CNTNAP2: variants seen among roughly 807,000 people sequenced by gnomAD.
The protein encoded by CNTNAP2 is contactin-associated protein-like 2.
In CNTNAP2, 98 loss-of-function variants were observed where a neutral mutation model predicts 155.2. That is an observed-to-expected ratio of 0.63 (90% CI 0.54 to 0.75). CNTNAP2 has a LOEUF of 0.75. Ranked by LOEUF, CNTNAP2 falls within the 30% of genes least tolerant of loss-of-function variation. The pLI is 0.00. For synonymous variants in CNTNAP2, 651 were observed against 631.2 expected (o/e 1.03, Z -0.47); for missense variants, 1,727 against 1,688.1 (o/e 1.02, Z -0.40).
At chr7:147,314,081 T>A (rs1563156637) in intron 9 of CNTNAP2, among the ~76,000 whole-genome samples, 1 of 152,188 alleles carries the variant, frequency 6.6e-6, no homozygotes, top group Non-Finnish European at 1.5e-5. Context: ...TATTGGTGTA[T>A]AAGAATGCAT....
At position 146,587,997 on chromosome 7, in the gene CNTNAP2, C is replaced by CGTGTGT. The variant is rs764567174; in HGVS notation, c.98-186271_98-186266dup. ...CCTGATGATTAATTTTCAAACAAAC[C>CGTGTGT]GTGTGTGTATGTGTGTGTGTGTGTG... On this transcript the variant is annotated intron_variant, in intron 1 of 23. Coordinates refer to ENST00000361727, the MANE Select transcript of CNTNAP2 (RefSeq NM_014141.6). Among the ~76,000 whole-genome samples, 930 of 135,874 alleles carry CGTGTGT rather than the reference C, an allele frequency of 6.8e-3. 3 individuals carry two copies. The highest frequency in any genetic ancestry group is 9.6e-3 in the Non-Finnish European group (629 of 65,214). The allele number at this position is 135,874 out of a possible 152,430, so 89.1% of individuals were successfully genotyped here.
intron 1 of CNTNAP2, among the ~76,000 whole-genome samples, chr7:146,496,889 TA>T (rs1443815287): frequency 3.3e-5 from 5 of 152,238 alleles, no homozygotes; most frequent in Non-Finnish European, 7.3e-5. Flanking sequence ...GAGCATCTGT[TA>T]ATGTGTTCTC....
intron 9 of CNTNAP2, among the ~76,000 whole-genome samples, chr7:147,363,990 A>G (rs1307093240): frequency 2.0e-5 from 3 of 152,210 alleles, no homozygotes; most frequent in African/African-American, 7.2e-5. Context: ...TGTCCAAGTT[A>G]TTAAATAACT....
At chr7:148,187,130 AC>A (rs1406075660) in intron 18 of CNTNAP2, among the ~76,000 whole-genome samples, 3 of 151,050 alleles carry the variant, frequency 2.0e-5, no homozygotes, top group Non-Finnish European at 2.9e-5. Flanking sequence ...ACACACACAC[AC>A]ACACACACAC....
intron 15 of CNTNAP2, among the ~76,000 whole-genome samples, chr7:148,099,060 A>G (rs1804036897): frequency 6.6e-6 from 1 of 152,194 alleles, no homozygotes. Flanking sequence ...TGCTTTATAA[A>G]AAAGAGTAGC....
intron 15 of CNTNAP2, among the ~76,000 whole-genome samples, chr7:148,017,134 G>A (rs950619082): frequency 6.6e-6 from 1 of 152,204 alleles, no homozygotes; most frequent in East Asian, 1.9e-4. Context: ...CCGGATCTCA[G>A]CACCTGAGCT....
At chr7:147,866,839 C>G (rs946469032) in intron 13 of CNTNAP2, among the ~76,000 whole-genome samples, 4 of 151,770 alleles carry the variant, frequency 2.6e-5, no homozygotes, top group Admixed American at 2.6e-4. Context: ...AGCCTATGTA[C>G]GTCTTTGCAT....
chr7:147,325,561 G>T (rs117828611), intron 9 of CNTNAP2, among the ~76,000 whole-genome samples: 1 of 152,118 alleles, frequency 6.6e-6, no homozygotes, highest in Admixed American at 6.5e-5. Context: ...AAAATGAAGC[G>T]TAACTCCTAT....
At chr7:147,322,446 C>T (rs555978596) in intron 9 of CNTNAP2, among the ~76,000 whole-genome samples, 7 of 152,258 alleles carry the variant, frequency 4.6e-5, no homozygotes, top group African/African-American at 1.2e-4. Context: ...TTATTCCCTC[C>T]GTGAGCAAAT....
At chr7:147,851,074 A>G (rs1584990177) in intron 13 of CNTNAP2, among the ~76,000 whole-genome samples, 1 of 152,362 alleles carries the variant, frequency 6.6e-6, no homozygotes, top group Middle Eastern at 3.4e-3. Flanking sequence ...ACAAATTTAC[A>G]AGAAAAAACA....
At chr7:147,791,582 G>C (rs1797820246) in intron 13 of CNTNAP2, among the ~76,000 whole-genome samples, 1 of 151,822 alleles carries the variant, frequency 6.6e-6, no homozygotes, top group Non-Finnish European at 1.5e-5. Flanking sequence ...TTTGCACTAG[G>C]AGAGTATAAG....
chr7:148,246,785 A>C (rs916075343), intron 20 of CNTNAP2, among the ~76,000 whole-genome samples: 1 of 152,194 alleles, frequency 6.6e-6, no homozygotes, highest in African/African-American at 2.4e-5. Flanking sequence ...TAGGGGAATG[A>C]CTCAGTGGTA....
chr7:147,569,366 C>G (rs1800238982), intron 12 of CNTNAP2, among the ~76,000 whole-genome samples: 2 of 140,918 alleles, frequency 1.4e-5, no homozygotes, highest in South Asian at 2.1e-4. Flanking sequence ...TCCACCTCCC[C>G]CTCCCCGTGT....
chr7:146,652,962 G>T (rs895499908), intron 1 of CNTNAP2, among the ~76,000 whole-genome samples: 5 of 152,060 alleles, frequency 3.3e-5, no homozygotes, highest in Admixed American at 6.6e-5. Flanking sequence ...GGTTGAAAAA[G>T]CCTTTCCTTT....
At chr7:148,237,858 T>C (rs1200831487) in intron 20 of CNTNAP2, among the ~76,000 whole-genome samples, 3 of 152,180 alleles carry the variant, frequency 2.0e-5, no homozygotes, top group African/African-American at 7.2e-5. Context: ...AAGTGTACAA[T>C]TGTAAGGACT....
At chr7:147,820,373 T>C (rs1346173003) in intron 13 of CNTNAP2, among the ~76,000 whole-genome samples, 2 of 152,118 alleles carry the variant, frequency 1.3e-5, no homozygotes, top group Non-Finnish European at 2.9e-5. Flanking sequence ...TGCTGCTTTA[T>C]TGAGTTATAT....
intron 8 of CNTNAP2, among the ~76,000 whole-genome samples, chr7:147,247,996 A>G (rs1206419181): frequency 6.6e-6 from 1 of 152,200 alleles, no homozygotes; most frequent in Non-Finnish European, 1.5e-5. Context: ...AAGAAAATAC[A>G]GTTTCTCTCC....
At chr7:148,272,449 A>T (rs1458863571) in intron 21 of CNTNAP2, among the ~76,000 whole-genome samples, 1 of 152,162 alleles carries the variant, frequency 6.6e-6, no homozygotes, top group Non-Finnish European at 1.5e-5. Flanking sequence ...CCTTTTCAAC[A>T]TCTCTATTAA....
intron 18 of CNTNAP2, among the ~76,000 whole-genome samples, chr7:148,176,077 G>A (rs772055412): frequency 1.4e-4 from 21 of 152,032 alleles, no homozygotes; most frequent in Non-Finnish European, 2.8e-4. Flanking sequence ...GATTTGAGTA[G>A]GTTCCTCATG....
Sources: gnomAD v4.1 joint callset for allele counts (sites outside exome capture counted in the v4.1 genomes callset) on GRCh38, gnomAD v4.1.1 for gene constraint, MANE v1.5 for transcripts, NCBI Gene and HGNC (gene_info 2026-07-23, HGNC 2026-07-21) for gene names.